Variants in EFEMP1 observed in about 807,000 individuals in gnomAD.
The protein encoded by EFEMP1 is EGF-like fibulin extracellular matrix protein 1.
A neutral mutation model predicts 65.7 loss-of-function variants in EFEMP1; 18 were observed. The observed-to-expected ratio is 0.27, with a 90% CI of 0.19 to 0.41. The LOEUF (loss-of-function observed/expected upper bound fraction) is 0.41, where lower values mean the gene tolerates loss of function less well. EFEMP1 is among the 10% of genes least tolerant of loss of function. The probability of loss-of-function intolerance (pLI) is 1.00; values close to 1 mark genes in which losing one functional copy is unlikely to be tolerated. For missense variants in EFEMP1, 469 were observed against 624.8 expected (o/e 0.75, Z 2.66); for synonymous variants, 237 against 219.7 (o/e 1.08, Z -0.70).
At position 55,871,350 on chromosome 2, in the gene EFEMP1, C is replaced by T. The variant is rs1208819636; in HGVS notation, c.1001-227G>A. ...TATGTGTCATTTCATGATATTTTATCAAGCACCTATTGTTCATCTGTTGAA... is the reference window on the plus strand; with the variant it reads ...TATGTGTCATTTCATGATATTTTATTAAGCACCTATTGTTCATCTGTTGAA... On this transcript the variant is annotated intron_variant, in intron 9 of 11. Coordinates refer to ENST00000355426, the MANE Select transcript of EFEMP1 (RefSeq NM_001039348.3). This position sits in a 1 kb window ranked among gnomAD's most constrained non-coding sequence, Gnocchi z 4.2. Among the ~76,000 whole-genome samples the T allele has an allele frequency of 3.9e-5, 6 of 152,104 alleles. No individual in the cohort carries two copies. Among genetic ancestry groups the T allele is most frequent in the Non-Finnish European group, 8.8e-5 (6 of 68,012 alleles).
At position 55,917,521 on chromosome 2, in the gene EFEMP1, A is replaced by C; in HGVS notation, c.517+144T>G. On this transcript the variant is annotated intron_variant, in intron 5 of 11. Transcript: ENST00000355426. This position sits in a 1 kb window ranked among gnomAD's most constrained non-coding sequence, Gnocchi z 6.3. ...ACTACAGCAACTACCCTTTAGGAAT[A>C]TTGTGATGATTAAATATAATGCAGA... The C allele has an allele frequency of 9.3e-7, 1 of 1,079,404 alleles. No individual in the cohort carries two copies. The highest frequency in any genetic ancestry group is 1.3e-5 in the South Asian group (1 of 76,258). The allele number at this position is 1,079,404 out of a possible 1,614,324, so 66.9% of individuals were successfully genotyped here.
chr2:55,907,658 ACAT>A (rs1412043758), intron 5 of EFEMP1, among the ~76,000 whole-genome samples: 2 of 152,212 alleles, frequency 1.3e-5, no homozygotes, highest in Non-Finnish European at 2.9e-5. Context: ...GGGAAATCTA[ACAT>A]CATCATTGAA....
intron 5 of EFEMP1, among the ~76,000 whole-genome samples, chr2:55,906,893 G>A (rs1476754260): frequency 1.3e-5 from 2 of 152,172 alleles, no homozygotes; most frequent in Non-Finnish European, 2.9e-5. Context: ...TGAAATCCAG[G>A]CAAATCTCTG....
At chr2:55,913,453 T>G (rs1025652804) in intron 5 of EFEMP1, among the ~76,000 whole-genome samples, 1 of 152,256 alleles carries the variant, frequency 6.6e-6, no homozygotes, top group Non-Finnish European at 1.5e-5. Context: ...TTAGTAGTCA[T>G]GCCTGTAAGT....
chr2:55,893,160 G>A (rs1669697221), intron 5 of EFEMP1, among the ~76,000 whole-genome samples: 1 of 152,072 alleles, frequency 6.6e-6, no homozygotes, highest in Non-Finnish European at 1.5e-5. Context: ...CTTTTCATGA[G>A]TTTCAGAATT....
At chr2:55,888,505 T>C (rs1328076763) in intron 5 of EFEMP1, among the ~76,000 whole-genome samples, 5 of 151,614 alleles carry the variant, frequency 3.3e-5, no homozygotes, top group Non-Finnish European at 7.4e-5. Context: ...GCCTGGCTAA[T>C]TTTTTGTATT....
rs1012112657 is a variant in EFEMP1, at chr2:55,877,666, T to C, written c.760+80A>G. 3.1e-6 allele frequency: 5 copies of C among 1,598,832 alleles called. No individual in the cohort carries two copies. The highest frequency in any genetic ancestry group is 2.2e-5 in the East Asian group (1 of 44,468). ...GATGGAAACTATTTACTCAAGAACA[T>C]AGAAAACTGGAAATACTGCAACATG... On this transcript the variant is annotated intron_variant, in intron 7 of 11. Transcript: ENST00000355426. This position sits in a 1 kb window ranked among gnomAD's most constrained non-coding sequence, Gnocchi z 4.5.
At position 55,885,192 on chromosome 2, in the gene EFEMP1, G is replaced by A. The variant is rs778345793; in HGVS notation, c.518-3458C>T. 6.6e-5 allele frequency among the ~76,000 whole-genome samples: 10 copies of A among 152,146 alleles called. No homozygotes were observed. Among genetic ancestry groups the A allele is most frequent in the Non-Finnish European group, 1.3e-4 (9 of 68,024 alleles). On this transcript the variant is annotated intron_variant, in intron 5 of 11. Transcript: ENST00000355426. The surrounding 1 kb of genome is among the most constrained non-coding windows in gnomAD (Gnocchi z 4.3). Reference sequence around the variant, plus strand: ...TTCTCCACTGCATTTTGAAGAAGACGAGATACATGGGTTGCCAGGAAAAGG... The same window carrying A: ...TTCTCCACTGCATTTTGAAGAAGACAAGATACATGGGTTGCCAGGAAAAGG...
chr2:55,922,601 C>A lies in EFEMP1; in HGVS notation c.-7-154G>T. On this transcript the variant is annotated intron_variant, in intron 2 of 11. Transcript: ENST00000355426. The surrounding 1 kb of genome is among the most constrained non-coding windows in gnomAD (Gnocchi z 5.5). ...ATCTGCTTTCTCATCTCCCCTCCCC[C>A]TCCTGAACCTTCTCGGTAGCCAACG... 2.8e-6 allele frequency: 2 copies of A among 724,034 alleles called. No individual in the cohort carries two copies. The highest frequency in any genetic ancestry group is 1.5e-5 in the South Asian group (1 of 65,592). 44.9% of individuals were successfully genotyped at this position (724,034 alleles called of 1,614,324 possible). A position where few individuals can be genotyped will look rare whatever the true frequency, so the allele number is the denominator to read the frequency against.
Position 55,888,451 on chromosome 2 carries a change from A to C in EFEMP1, c.518-6717T>G, listed in dbSNP as rs535545947. Among the ~76,000 whole-genome samples, 98 of 145,180 alleles carry C rather than the reference A, an allele frequency of 6.8e-4. 1 individual carries two copies. Among genetic ancestry groups the C allele is most frequent in the African/African-American group, 2.2e-3 (85 of 38,656 alleles). ...CTCCCAGATTCCAGCGATTCTCCTG[A>C]CTCAGCCTCCTGAGTAGCTGGGATT... On this transcript the variant is annotated intron_variant, in intron 5 of 11. Coordinates refer to ENST00000355426, the MANE Select transcript of EFEMP1 (RefSeq NM_001039348.3).
At chr2:55,894,761 C>A (rs375583782) in intron 5 of EFEMP1, among the ~76,000 whole-genome samples, 1 of 149,854 alleles carries the variant, frequency 6.7e-6, no homozygotes, top group Non-Finnish European at 1.5e-5. Context: ...TATGTACATA[C>A]GTGACTGTTT....
chr2:55,875,201 T>TAATTAA (rs1668981498), intron 8 of EFEMP1, 136 bp from the exon 9 acceptor site: 1 of 346,250 alleles, frequency 2.9e-6, no homozygotes, highest in Admixed American at 6.0e-5. Context: ...TAATTATATA[T>TAATTAA]AATTAAAATT....
At position 55,870,745 on chromosome 2, in the gene EFEMP1, T is replaced by C. The variant is rs770484375; in HGVS notation, c.1295A>G (p.Asn432Ser). The C allele has an allele frequency of 3.1e-6, 5 of 1,613,758 alleles. No homozygotes were observed. Among genetic ancestry groups the C allele is most frequent in the Non-Finnish European group, 4.2e-6 (5 of 1,179,728 alleles). The change falls in exon 11 of 12, where the codon AAT becomes AGT. Residue 432 changes from asparagine to serine, a missense_variant. Around this residue, in one of 3 missense-constraint regions of EFEMP1, gnomAD observed 399 missense variants for 528.2 expected, o/e 0.76. Transcript: ENST00000355426. The surrounding 1 kb of genome is among the most constrained non-coding windows in gnomAD (Gnocchi z 5.8). ...TCGTAGGTAGAACTCTCCATTTTCA[T>C]TTCCAGATTTAATCCGAAAAGTATT... ...TINTFRIKSG[N>S]ENGEFYLRQT...
chr2:55,882,614 G>A (rs1669283481), intron 5 of EFEMP1, among the ~76,000 whole-genome samples: 1 of 152,068 alleles, frequency 6.6e-6, no homozygotes, highest in Admixed American at 6.6e-5. Flanking sequence ...TGCCTTATCT[G>A]TATCACTTTT....
At chr2:55,900,800 C>T (rs1258326228) in intron 5 of EFEMP1, among the ~76,000 whole-genome samples, 1 of 152,058 alleles carries the variant, frequency 6.6e-6, no homozygotes, top group Non-Finnish European at 1.5e-5. Flanking sequence ...TTGGTTTCTA[C>T]CTTTATCGAT....
chr2:55,889,627 T>G (rs1337832660), intron 5 of EFEMP1, among the ~76,000 whole-genome samples: 1 of 152,174 alleles, frequency 6.6e-6, no homozygotes, highest in Admixed American at 6.5e-5. Flanking sequence ...TAAAGTATTT[T>G]GGGATTTATA....
At chr2:55,897,197 A>G (rs983256842) in intron 5 of EFEMP1, among the ~76,000 whole-genome samples, 2 of 152,128 alleles carry the variant, frequency 1.3e-5, no homozygotes, top group Non-Finnish European at 2.9e-5. Context: ...TTATCTTTGT[A>G]TTCTCAGCAC....
Position 55,880,839 on chromosome 2 carries a change from C to T in EFEMP1, c.640+773G>A, listed in dbSNP as rs79573675. Among the ~76,000 whole-genome samples the T allele has an allele frequency of 5.6e-4, 86 of 152,326 alleles. 1 individual carries two copies. Among genetic ancestry groups the T allele is most frequent in the African/African-American group, 1.8e-3 (75 of 41,568 alleles). On this transcript the variant is annotated intron_variant, in intron 6 of 11. Transcript: ENST00000355426. ...TTTGATCTTCCATTCACTCAAAACACACGCATAGAGCCTCCATCACATGGT... is the reference window on the plus strand; with the variant it reads ...TTTGATCTTCCATTCACTCAAAACATACGCATAGAGCCTCCATCACATGGT...
chr2:55,869,352 A>G (rs993620813), intron 11 of EFEMP1, among the ~76,000 whole-genome samples: 2 of 152,184 alleles, frequency 1.3e-5, no homozygotes, highest in African/African-American at 2.4e-5. Flanking sequence ...GTAGTATCTG[A>G]ATTGTGTAAA....
Sources: allele counts gnomAD v4.1 joint callset (sites outside exome capture counted in the v4.1 genomes callset), GRCh38; gene constraint gnomAD v4.1.1; regional missense constraint gnomAD v4.1.1; non-coding constraint Gnocchi (gnomAD v3.1); transcripts MANE v1.5; gene names NCBI Gene and HGNC (gene_info 2026-07-23, HGNC 2026-07-21).